Variants in ZBTB5 observed in about 807,000 individuals in gnomAD.
ZBTB5 encodes zinc finger and BTB domain containing 5.
ZBTB5 carries 15 observed loss-of-function variants against 37.9 expected under a neutral mutation model. That is an observed-to-expected ratio of 0.40 (90% confidence interval 0.26 to 0.61). The LOEUF (loss-of-function observed/expected upper bound fraction) is 0.61. ZBTB5 is among the 20% of genes least tolerant of loss of function. The probability of loss-of-function intolerance (pLI) is 0.47; values close to 1 mark genes in which losing one functional copy is unlikely to be tolerated. For synonymous variants in ZBTB5, 315 were observed against 312.4 expected, an observed-to-expected ratio of 1.01 and a Z score of -0.09; for missense variants, 708 against 856.8, an observed-to-expected ratio of 0.83 and a Z score of 2.17.
chr9:37,461,266 C>T (rs1824288432), intron 1 of ZBTB5, among the ~76,000 whole-genome samples: 1 of 152,080 alleles, frequency 6.6e-6, no homozygotes. Context: ...AAAGACTAAA[C>T]CATAAGGACT....
Position 37,442,455 on chromosome 9 carries a change from T to C in ZBTB5, c.97A>G (p.Arg33Gly). 1 of 1,614,154 alleles carries C rather than the reference T, an allele frequency of 6.2e-7. No homozygotes were observed. Among genetic ancestry groups the C allele is most frequent in the Middle Eastern group, 1.6e-4 (1 of 6,062 alleles). Residue 33 changes from arginine to glycine, a missense_variant, in exon 2 of 2, where the codon AGA becomes GGA. By Grantham distance (125) the Arg-to-Gly change is moderately radical. Around this residue, in one of 3 missense-constraint regions of ZBTB5, gnomAD observed 27 missense variants for 58.4 expected, o/e 0.46. Coordinates refer to ENST00000307750, the MANE Select transcript of ZBTB5 (RefSeq NM_014872.3). ...LCDCVIVVGNRHFKAHRSVLA... is the reference protein window; with the variant it reads ...LCDCVIVVGNGHFKAHRSVLA... ...ACGGAGCGGTGGGCTTTAAAGTGTC[T>C]ATTCCCCACTACAATGACACAATCA...
rs759403874 is a variant in ZBTB5, at chr9:37,441,848, G to A, written c.704C>T (p.Pro235Leu). ...ATTATCCACAATTTTCAGAGAATCT[G>A]GTGAAAAGAACTCCTCCCGAGAATG... ...GVHSREEFFS[P>L]DSLKIVDNPK... The change falls in exon 2 of 2, where the codon CCA becomes CTA. Residue 235 changes from proline (P) to leucine (L), a missense_variant. This residue lies in a region of ZBTB5 where 639 missense variants were observed against 690.5 expected (regional missense o/e 0.93). Coordinates refer to ENST00000307750, the MANE Select transcript of ZBTB5 (RefSeq NM_014872.3). The A allele has an allele frequency of 6.2e-7, 1 of 1,614,100 alleles. No individual in the cohort carries two copies. Among genetic ancestry groups the A allele is most frequent in the South Asian group, 1.1e-5 (1 of 91,078 alleles).
Position 37,454,970 on chromosome 9 carries a change from A to G in ZBTB5, c.-5+10245T>C, listed in dbSNP as rs1824161346. On this transcript the variant is annotated intron_variant, in intron 1 of 1. Coordinates refer to ENST00000307750, the MANE Select transcript of ZBTB5 (RefSeq NM_014872.3). ...CAGCAAAAACAAAAACCCTAGTGAT[A>G]TGGACAGGAGACAGGGAAATGCTGG... Among the ~76,000 whole-genome samples the G allele has an allele frequency of 3.3e-5, 5 of 152,338 alleles. No individual in the cohort carries two copies. In the South Asian group the frequency reaches 1.0e-3, roughly 32 times the overall value.
chr9:37,464,259 G>A (rs942410697), intron 1 of ZBTB5, among the ~76,000 whole-genome samples: 1 of 152,212 alleles, frequency 6.6e-6, no homozygotes, highest in Non-Finnish European at 1.5e-5. Flanking sequence ...AGAAAAGCCC[G>A]TAATGTCCTC....
chr9:37,462,588 T>C (rs1337109234), intron 1 of ZBTB5, among the ~76,000 whole-genome samples: 2 of 143,380 alleles, frequency 1.4e-5, no homozygotes, highest in African/African-American at 2.6e-5. Context: ...TGAGACAGGG[T>C]CTCACTCTGT....
intron 1 of ZBTB5, among the ~76,000 whole-genome samples, chr9:37,444,388 A>G (rs1369702866): frequency 6.6e-6 from 1 of 152,064 alleles, no homozygotes; most frequent in African/African-American, 2.4e-5. Flanking sequence ...TAGTAGAGAC[A>G]GGGGTTTTAC....
chr9:37,461,631 G>A (rs1824295018), intron 1 of ZBTB5, among the ~76,000 whole-genome samples: 1 of 152,096 alleles, frequency 6.6e-6, no homozygotes, highest in Non-Finnish European at 1.5e-5. Flanking sequence ...AGGAGGCTGA[G>A]ACACAAGAAT....
rs1564309191 is a variant in ZBTB5, at chr9:37,441,221, G to A, written c.1331C>T (p.Ala444Val). The change falls in exon 2 of 2, where the codon GCC (alanine) becomes GTC (valine). Residue 444 changes from alanine to valine, a missense_variant. Coordinates refer to ENST00000307750, the MANE Select transcript of ZBTB5 (RefSeq NM_014872.3). Reference sequence around the variant, plus strand: ...AGCCTCTGGACTCAACAAATAGGGGGCCTCACTCTCCAGCCTGCAGTCACT... The same window carrying A: ...AGCCTCTGGACTCAACAAATAGGGGACCTCACTCTCCAGCCTGCAGTCACT... ...TTSDCRLESEAPYLLSPEAGP... is the reference protein window; with the variant it reads ...TTSDCRLESEVPYLLSPEAGP... 1 of 1,614,110 alleles carries A rather than the reference G, an allele frequency of 6.2e-7. No individual in the cohort carries two copies. The highest frequency in any genetic ancestry group is 1.1e-5 in the South Asian group (1 of 91,068).
intron 1 of ZBTB5, among the ~76,000 whole-genome samples, chr9:37,460,437 C>G (rs1309139440): frequency 2.0e-5 from 3 of 151,766 alleles, no homozygotes; most frequent in Admixed American, 2.0e-4. Context: ...TGAACACTCC[C>G]CCCCCAAAAA....
chr9:37,441,805 C>G lies in ZBTB5; in HGVS notation c.747G>C (p.Met249Ile). ...TCGCACTATCTTCCTGGTTATCAGT[C>G]ATTCCATCAGCTTTAGGATTATCCA... is the stretch of plus-strand genomic sequence containing the variant. ...KIVDNPKADG[M>I]TDNQEDSAIM... Residue 249 changes from methionine (M) to isoleucine (I), a missense_variant, in exon 2 of 2, where the codon ATG (methionine) becomes ATC (isoleucine). By Grantham distance (10) the Met-to-Ile change is conservative. Coordinates refer to ENST00000307750, the MANE Select transcript of ZBTB5 (RefSeq NM_014872.3). 6.2e-7 allele frequency: 1 copy of G among 1,614,116 alleles called. No individual in the cohort carries two copies.
At chr9:37,445,387 A>C (rs6476633) in intron 1 of ZBTB5, among the ~76,000 whole-genome samples, 153 of 152,336 alleles carry the variant, frequency 1.0e-3, no homozygotes, top group African/African-American at 3.3e-3. Context: ...TCACGCCTGT[A>C]ATCCCAGCGC....
chr9:37,454,003 G>C (rs1041907834), intron 1 of ZBTB5, among the ~76,000 whole-genome samples: 1 of 152,252 alleles, frequency 6.6e-6, no homozygotes, highest in African/African-American at 2.4e-5. Context: ...CACCACCCTA[G>C]GACTTGTTTC....
intron 1 of ZBTB5, among the ~76,000 whole-genome samples, chr9:37,449,353 C>A (rs1212101357): frequency 6.6e-6 from 1 of 152,194 alleles, no homozygotes; most frequent in Non-Finnish European, 1.5e-5. Context: ...CTTGTGGTAT[C>A]ACACATTGCA....
intron 1 of ZBTB5, among the ~76,000 whole-genome samples, chr9:37,458,307 T>C (rs770827009): frequency 4.6e-5 from 7 of 152,220 alleles, no homozygotes; most frequent in Non-Finnish European, 1.0e-4. Context: ...GAGTACCTGT[T>C]TTCAATATGT....
intron 1 of ZBTB5, among the ~76,000 whole-genome samples, chr9:37,457,773 A>G (rs1653872597): frequency 6.6e-6 from 1 of 152,192 alleles, no homozygotes; most frequent in African/African-American, 2.4e-5. Flanking sequence ...TCTTGGTTGG[A>G]TTTGGACAAA....
At position 37,441,639 on chromosome 9, in the gene ZBTB5, G is replaced by T. The variant is rs746332202; in HGVS notation, c.913C>A (p.Pro305Thr). The T allele has an allele frequency of 2.5e-6, 4 of 1,613,430 alleles. No homozygotes were observed. The African/African-American group carries it at 5.4e-5, about 22-fold the overall frequency. ...VETSFDQEAAPEKSSFQCENP... is the reference protein window; with the variant it reads ...VETSFDQEAATEKSSFQCENP... ...TCACACTGAAAACTACTTTTCTCAG[G>T]TGCAGCTTCCTGATCAAAACTAGTC... Residue 305 changes from proline to threonine, a missense_variant, in exon 2 of 2, where the codon CCT becomes ACT. This residue lies in a region of ZBTB5 where 639 missense variants were observed against 690.5 expected (regional missense o/e 0.93). Coordinates refer to ENST00000307750, the MANE Select transcript of ZBTB5 (RefSeq NM_014872.3).
chr9:37,447,807 CTTT>C (rs78707930), intron 1 of ZBTB5, among the ~76,000 whole-genome samples: 2,318 of 139,130 alleles, frequency 0.017, 28 homozygotes, highest in Non-Finnish European at 0.024. Flanking sequence ...CTCAATGCTT[CTTT>C]TTTTTTTTTT....
rs1164141893 is a variant in ZBTB5 at position 37,442,195 on chromosome 9, TAAGTA to T, written c.352_356del (p.Tyr118AsnfsTer12). ...GAGACATGGGCAGCGTCCTTGTCGTTAAGTAATGTTTACATGCCTTAACAACAGAG... is the reference window on the plus strand; with the variant it reads ...GAGACATGGGCAGCGTCCTTGTCGTTATGTTTACATGCCTTAACAACAGAG... On this transcript the variant is annotated frameshift_variant, in exon 2 of 2. Coordinates refer to ENST00000307750, the MANE Select transcript of ZBTB5 (RefSeq NM_014872.3). LOFTEE classifies it high-confidence loss of function. 1.2e-6 allele frequency: 2 copies of T among 1,614,144 alleles called. No individual in the cohort carries two copies. The highest frequency in any genetic ancestry group is 1.3e-5 in the African/African-American group (1 of 74,950).
chr9:37,440,455 C>T lies in ZBTB5; in HGVS notation c.*63G>A. 1 of 1,507,358 alleles carries T rather than the reference C, an allele frequency of 6.6e-7. No homozygotes were observed. The highest frequency in any genetic ancestry group is 9.1e-7 in the Non-Finnish European group (1 of 1,101,804). 93.4% of individuals were successfully genotyped at this position (1,507,358 alleles called of 1,614,324 possible). A position where few individuals can be genotyped will look rare whatever the true frequency, so the allele number is the denominator to read the frequency against. On this transcript the variant is annotated 3_prime_UTR_variant, in exon 2 of 2. Transcript: ENST00000307750. The stretch of plus-strand genomic sequence containing the variant: ...GAAGCCTCGAACCCAAAGGCATTAA[C>T]TGCTTACCAAAAGAAATTCAGTCTG...
Sources: allele counts gnomAD v4.1 joint callset (sites outside exome capture counted in the v4.1 genomes callset), GRCh38; gene constraint gnomAD v4.1.1; regional missense constraint gnomAD v4.1.1; transcripts MANE v1.5; gene names NCBI Gene and HGNC (gene_info 2026-07-23, HGNC 2026-07-21).